The following TULP4 variants were observed in gnomAD, a reference collection of about 807,000 sequenced individuals.
TULP4 encodes the protein TUB like protein 4.
Under a neutral mutation model 129.0 loss-of-function variants are expected in TULP4, and 16 were observed. The ratio of observed to expected loss-of-function variants is 0.12; its 90% confidence interval spans 0.08 to 0.19. The LOEUF (loss-of-function observed/expected upper bound fraction) is 0.19. Ranked by LOEUF, TULP4 falls within the 10% of genes least tolerant of loss-of-function variation. The pLI, the probability that TULP4 is intolerant of heterozygous loss-of-function variation, is 1.00. For synonymous variants in TULP4, 998 were observed against 854.0 expected, an observed-to-expected ratio of 1.17 and a Z score of -2.94; for missense variants, 1,842 against 2,059.1, an observed-to-expected ratio of 0.89 and a Z score of 2.04.
chr6:158,290,115 T>C (rs1261462259), intron 1 of TULP4, among the ~76,000 whole-genome samples: 1 of 152,032 alleles, frequency 6.6e-6, no homozygotes, highest in Non-Finnish European at 1.5e-5. Flanking sequence ...TTAAAATTTT[T>C]TGTAGAAACG....
intron 3 of TULP4, among the ~76,000 whole-genome samples, chr6:158,436,072 A>G (rs865831322): frequency 2.0e-5 from 3 of 151,986 alleles, no homozygotes; most frequent in Middle Eastern, 3.2e-3. Context: ...ATGCGCCACC[A>G]TGCCTGGCTA....
At chr6:158,423,426 A>G (rs1298530995) in intron 2 of TULP4, among the ~76,000 whole-genome samples, 1 of 152,226 alleles carries the variant, frequency 6.6e-6, no homozygotes, top group Non-Finnish European at 1.5e-5. Context: ...CAAGATTGCT[A>G]GAAGAGAAAA....
At chr6:158,248,214 G>C (rs556761671) in intron 1 of TULP4, among the ~76,000 whole-genome samples, 1 of 152,218 alleles carries the variant, frequency 6.6e-6, no homozygotes, top group African/African-American at 2.4e-5. Flanking sequence ...GGCTGAGTTG[G>C]GTGGATCATT....
intron 3 of TULP4, among the ~76,000 whole-genome samples, chr6:158,434,930 T>C (rs937701597): frequency 2.6e-5 from 4 of 152,212 alleles, no homozygotes; most frequent in Admixed American, 2.0e-4. Flanking sequence ...TGAAATGGCA[T>C]GGGAAGAAGA....
intron 1 of TULP4, among the ~76,000 whole-genome samples, chr6:158,236,879 T>A (rs1421325489): frequency 7.4e-6 from 1 of 135,440 alleles, no homozygotes; most frequent in East Asian, 2.3e-4. Context: ...AGTGGCCCCA[T>A]CTCGGCTCAC....
At chr6:158,269,941 C>T (rs1022675744) in intron 1 of TULP4, among the ~76,000 whole-genome samples, 3 of 152,172 alleles carry the variant, frequency 2.0e-5, no homozygotes, top group Non-Finnish European at 2.9e-5. Flanking sequence ...CCCTTTATTC[C>T]GTGTTCCTTA....
chr6:158,247,096 T>C (rs1321125197), intron 1 of TULP4, among the ~76,000 whole-genome samples: 2 of 152,184 alleles, frequency 1.3e-5, no homozygotes, highest in African/African-American at 4.8e-5. Flanking sequence ...AAAGACTCAA[T>C]TTAGACTGTA....
At chr6:158,284,294 T>G (rs185153661) in intron 1 of TULP4, among the ~76,000 whole-genome samples, 1 of 152,358 alleles carries the variant, frequency 6.6e-6, no homozygotes, top group African/African-American at 2.4e-5. Context: ...TGAGACTGTT[T>G]GGCTTGGGAT....
chr6:158,238,273 G>T, intron 1 of TULP4: 1 of 1,134,304 alleles, frequency 8.8e-7, no homozygotes, highest in Non-Finnish European at 1.3e-6. Context: ...TTGCTTTTGT[G>T]TGCTGCTTTT....
chr6:158,316,806 A>G (rs1029826300), intron 1 of TULP4, among the ~76,000 whole-genome samples: 1 of 152,208 alleles, frequency 6.6e-6, no homozygotes, highest in African/African-American at 2.4e-5. Context: ...CCTTCTTCCA[A>G]GCTCATTCAG....
At chr6:158,308,345 A>G (rs1236337994), upstream of TULP4, among the ~76,000 whole-genome samples, 2 of 151,974 alleles carry the variant, frequency 1.3e-5, no homozygotes, top group Non-Finnish European at 2.9e-5. Flanking sequence ...CAGGATCCCA[A>G]GGCCAAAGAA....
chr6:158,340,488 C>T (rs905471520), intron 1 of TULP4, among the ~76,000 whole-genome samples: 2 of 152,060 alleles, frequency 1.3e-5, no homozygotes, highest in Non-Finnish European at 2.9e-5. Flanking sequence ...CTGATATTAT[C>T]CCTCTGGAGG....
intron 13 of TULP4, 27 bp downstream of exon 13, chr6:158,504,205 C>T (rs1304324016): frequency 6.0e-6 from 9 of 1,503,976 alleles, no homozygotes; most frequent in Non-Finnish European, 7.1e-6. Context: ...GGTGGCGCTG[C>T]GAGCCCAGGA....
intron 8 of TULP4, among the ~76,000 whole-genome samples, chr6:158,483,016 A>G (rs1779982533): frequency 6.6e-6 from 1 of 152,260 alleles, no homozygotes; most frequent in African/African-American, 2.4e-5. Flanking sequence ...TAAAAGAATT[A>G]AAAGCTATAA....
At chr6:158,492,920 A>C (rs1306050609) in intron 9 of TULP4, among the ~76,000 whole-genome samples, 1 of 152,234 alleles carries the variant, frequency 6.6e-6, no homozygotes, top group Non-Finnish European at 1.5e-5. Flanking sequence ...GCAGCCAAAA[A>C]ACTTTACTAA....
intron 3 of TULP4, among the ~76,000 whole-genome samples, chr6:158,446,468 GT>G (rs1435669037): frequency 6.6e-6 from 1 of 152,148 alleles, no homozygotes; most frequent in Non-Finnish European, 1.5e-5. Context: ...GGAATTATAT[GT>G]ATGTTCTTTC....
intron 1 of TULP4, among the ~76,000 whole-genome samples, chr6:158,329,774 G>C (rs909563419): frequency 6.6e-6 from 1 of 151,942 alleles, no homozygotes; most frequent in Non-Finnish European, 1.5e-5. Context: ...GCTTTTGCTT[G>C]TCTCCTAGGC....
chr6:158,353,189 GCCTCTATGTGGCTCTTT>G (rs1490755568), intron 1 of TULP4, among the ~76,000 whole-genome samples: 1 of 152,170 alleles, frequency 6.6e-6, no homozygotes, highest in East Asian at 1.9e-4. Context: ...CCCAGTCCCT[GCCTCTATGTGGCTCTTT>G]CCACAGAGTT....
At chr6:158,370,056 G>T (rs1777038364) in intron 1 of TULP4, among the ~76,000 whole-genome samples, 1 of 151,892 alleles carries the variant, frequency 6.6e-6, no homozygotes. Context: ...ACAAAAACTA[G>T]CTGGGCATAG....
Sources: gnomAD v4.1 joint callset for allele counts (sites outside exome capture counted in the v4.1 genomes callset) on GRCh38, gnomAD v4.1.1 for gene constraint, MANE v1.5 for transcripts, NCBI Gene and HGNC (gene_info 2026-07-23, HGNC 2026-07-21) for gene names.